Variants in DGKB observed in about 807,000 individuals in gnomAD.
DGKB encodes 90 kDa diacylglycerol kinase.
In DGKB, 67 loss-of-function variants were observed where a neutral mutation model predicts 114.3. The observed-to-expected ratio is 0.59, with a 90% CI of 0.48 to 0.72. The LOEUF is 0.72. DGKB is among the 30% of genes least tolerant of loss of function. The pLI, the probability that DGKB is intolerant of heterozygous loss-of-function variation, is 0.00. For synonymous variants in DGKB, 398 were observed against 323.1 expected, an observed-to-expected ratio of 1.23 and a Z score of -2.49; for missense variants, 907 against 975.2, an observed-to-expected ratio of 0.93 and a Z score of 0.93.
chr7:14,519,440 G>A (rs1443429764), intron 20 of DGKB, among the ~76,000 whole-genome samples: 2 of 152,012 alleles, frequency 1.3e-5, no homozygotes, highest in Admixed American at 6.6e-5. Flanking sequence ...TCTTTTAACT[G>A]CAAACTAAAT....
intron 17 of DGKB, among the ~76,000 whole-genome samples, chr7:14,602,585 C>T (rs761317442): frequency 2.0e-5 from 3 of 152,136 alleles, no homozygotes; most frequent in Non-Finnish European, 4.4e-5. Context: ...TTCTGCTCTT[C>T]TGCCATGTGG....
intron 5 of DGKB, among the ~76,000 whole-genome samples, chr7:14,723,922 T>C (rs990649837): frequency 2.0e-5 from 3 of 152,182 alleles, no homozygotes; most frequent in African/African-American, 7.2e-5. Flanking sequence ...TTGTATTTAA[T>C]AGATAATTTT....
intron 13 of DGKB, among the ~76,000 whole-genome samples, chr7:14,646,759 T>A (rs1243395362): frequency 8.4e-6 from 1 of 119,426 alleles, no homozygotes; most frequent in East Asian, 2.1e-4. Flanking sequence ...AATAAGGAAA[T>A]TAAGAAGAAA....
chr7:14,905,613 T>C (rs940115698), upstream of DGKB, among the ~76,000 whole-genome samples: 3 of 152,206 alleles, frequency 2.0e-5, no homozygotes, highest in Non-Finnish European at 4.4e-5. Flanking sequence ...AAACGAATCA[T>C]ATTAATTTTC....
intron 1 of DGKB, among the ~76,000 whole-genome samples, chr7:14,861,516 A>AAAAAT (rs1198087603): frequency 6.6e-6 from 1 of 152,014 alleles, no homozygotes; most frequent in East Asian, 1.9e-4. Context: ...AAGTTGAAAG[A>AAAAAT]AAAATAATAA....
intron 23 of DGKB, among the ~76,000 whole-genome samples, chr7:14,190,339 A>G (rs1784115013): frequency 6.6e-6 from 1 of 152,204 alleles, no homozygotes; most frequent in African/African-American, 2.4e-5. Context: ...TTCTTGAGAC[A>G]AATGAGAATG....
chr7:14,677,709 G>A (rs1017831707), intron 12 of DGKB, among the ~76,000 whole-genome samples: 2 of 151,906 alleles, frequency 1.3e-5, no homozygotes, highest in African/African-American at 4.8e-5. Flanking sequence ...GAAATGAACA[G>A]GTATAAGCAG....
At chr7:14,563,879 AAGCTGCTGT>A (rs1306391734) in intron 20 of DGKB, among the ~76,000 whole-genome samples, 3 of 152,164 alleles carry the variant, frequency 2.0e-5, no homozygotes, top group Non-Finnish European at 4.4e-5. Flanking sequence ...AGAGAAAAGC[AAGCTGCTGT>A]AGTTTTCCTG....
chr7:14,358,263 C>T (rs1814981990), intron 21 of DGKB, among the ~76,000 whole-genome samples: 1 of 152,116 alleles, frequency 6.6e-6, no homozygotes, highest in Non-Finnish European at 1.5e-5. Context: ...TCACATAGTC[C>T]CATATTTCTT....
intron 21 of DGKB, among the ~76,000 whole-genome samples, chr7:14,404,527 C>T (rs2128732135): frequency 6.6e-6 from 1 of 152,042 alleles, no homozygotes; most frequent in Middle Eastern, 3.4e-3. Flanking sequence ...CTCAGCATCC[C>T]ATTTAATCCA....
intron 2 of DGKB, among the ~76,000 whole-genome samples, chr7:14,769,070 TAAGAAAGAAAGA>T (rs5882458): frequency 0.014 from 1,222 of 84,292 alleles, 23 homozygotes; most frequent in East Asian, 0.07. Flanking sequence ...TTTTTAAAGA[TAAGAAAGAAAGA>T]AAGAAAGAAA....
At chr7:14,467,047 A>G (rs1780579868) in intron 21 of DGKB, among the ~76,000 whole-genome samples, 1 of 152,092 alleles carries the variant, frequency 6.6e-6, no homozygotes, top group African/African-American at 2.4e-5. Flanking sequence ...CCTTGAACCA[A>G]TTAAATCAAA....
rs202133916 is a variant in DGKB at position 14,410,955 on chromosome 7, G to A, written c.1836-65564C>T. Among the ~76,000 whole-genome samples the A allele has an allele frequency of 9.2e-5, 14 of 152,238 alleles. No homozygotes were observed. In the East Asian group the frequency reaches 2.7e-3, roughly 29 times the overall value. The stretch of plus-strand genomic sequence containing the variant: ...ATGATTGTTTTGACTTTACAATGGT[G>A]TGAAGGTGATACACATTCAATAGAA... On this transcript the variant is annotated intron_variant, in intron 21 of 25. Transcript: ENST00000402815.
intron 21 of DGKB, among the ~76,000 whole-genome samples, chr7:14,461,921 C>G (rs543394225): frequency 6.5e-4 from 99 of 152,166 alleles, no homozygotes; most frequent in African/African-American, 2.1e-3. Context: ...TCACCTTGAC[C>G]TCATCCCTGG....
intron 21 of DGKB, among the ~76,000 whole-genome samples, chr7:14,348,454 A>G (rs1317298132): frequency 6.6e-6 from 1 of 152,072 alleles, no homozygotes; most frequent in Non-Finnish European, 1.5e-5. Context: ...GAAAGCAAGA[A>G]AAGACATAAA....
intron 21 of DGKB, among the ~76,000 whole-genome samples, chr7:14,428,176 T>C (rs1244522005): frequency 3.9e-5 from 6 of 152,180 alleles, no homozygotes; most frequent in South Asian, 2.1e-4. Context: ...TTCTGTGATA[T>C]ATATATATAA....
chr7:14,673,129 C>G (rs545779891), intron 12 of DGKB, 102 bp from the exon 13 acceptor site: 1 of 646,616 alleles, frequency 1.5e-6, no homozygotes, highest in South Asian at 2.1e-5. Flanking sequence ...ATTAAAAGTA[C>G]AATAAAGAAA....
At chr7:14,848,838 T>C (rs1483098510) in intron 1 of DGKB, among the ~76,000 whole-genome samples, 1 of 152,136 alleles carries the variant, frequency 6.6e-6, no homozygotes, top group East Asian at 1.9e-4. Context: ...ATGGGCTGGT[T>C]GAGAATTTAT....
At chr7:14,552,793 G>C (rs536053684) in intron 20 of DGKB, among the ~76,000 whole-genome samples, 1 of 152,204 alleles carries the variant, frequency 6.6e-6, no homozygotes, top group Admixed American at 6.5e-5. Context: ...GGATTCTATA[G>C]TTCTCAGATG....
Sources: allele counts gnomAD v4.1 joint callset (sites outside exome capture counted in the v4.1 genomes callset), GRCh38; gene constraint gnomAD v4.1.1; transcripts MANE v1.5; gene names NCBI Gene and HGNC (gene_info 2026-07-23, HGNC 2026-07-21).